The following MAP4 variants were observed in gnomAD, a reference collection of about 807,000 sequenced individuals.
MAP4 encodes the protein microtubule-associated protein 4.
A neutral mutation model predicts 170.2 loss-of-function variants in MAP4; 76 were observed. The ratio of observed to expected loss-of-function variants is 0.45; its 90% confidence interval spans 0.37 to 0.54. The LOEUF is 0.54. MAP4 is among the 20% of genes least tolerant of loss of function. The probability of loss-of-function intolerance (pLI) is 0.00; values close to 1 mark genes in which losing one functional copy is unlikely to be tolerated. For missense variants in MAP4, 2,506 were observed against 2,748.0 expected, an observed-to-expected ratio of 0.91 and a Z score of 1.97; for synonymous variants, 909 against 994.5, an observed-to-expected ratio of 0.91 and a Z score of 1.62.
intron 4 of MAP4, among the ~76,000 whole-genome samples, chr3:47,923,121 A>T (rs1301304350): frequency 2.0e-5 from 3 of 152,042 alleles, no homozygotes; most frequent in African/African-American, 7.2e-5. Flanking sequence ...CCTTCTTGGA[A>T]TTTATTTTAT....
chr3:47,991,686 C>T lies in MAP4; in HGVS notation c.223+6952G>A, dbSNP rs143165906. On this transcript the variant is annotated intron_variant, in intron 2 of 20. Coordinates refer to ENST00000683076, the MANE Select transcript of MAP4 (RefSeq NM_001385682.1). Reference sequence around the variant, plus strand: ...TGTCTTTTCTTTTTTTTTTTTGAGACGGAATTTCGCTCTTGTTGCCCAGGC... The same window carrying T: ...TGTCTTTTCTTTTTTTTTTTTGAGATGGAATTTCGCTCTTGTTGCCCAGGC... Among the ~76,000 whole-genome samples, 760 of 150,096 alleles carry T rather than the reference C, an allele frequency of 5.1e-3. 4 individuals are homozygous for T. Among genetic ancestry groups the T allele is most frequent in the African/African-American group, 0.014 (578 of 40,798 alleles).
chr3:47,861,827 C>G (rs1414338853), intron 17 of MAP4, among the ~76,000 whole-genome samples: 1 of 151,776 alleles, frequency 6.6e-6, no homozygotes, highest in Non-Finnish European at 1.5e-5. Flanking sequence ...CCACTGCACT[C>G]CAGCCTGGGC....
intron 2 of MAP4, chr3:47,987,446 G>A (rs1402122431): frequency 2.0e-6 from 3 of 1,503,910 alleles, no homozygotes; most frequent in African/African-American, 1.4e-5. Flanking sequence ...AGAAGGGAAA[G>A]GGAACAGAAG....
intron 3 of MAP4, among the ~76,000 whole-genome samples, chr3:47,928,749 C>T (rs1577781476): frequency 6.7e-6 from 1 of 149,476 alleles, no homozygotes; most frequent in Non-Finnish European, 1.5e-5. Context: ...TATGCAGGCA[C>T]GAAGAGGGTA....
intron 19 of MAP4, among the ~76,000 whole-genome samples, chr3:47,853,736 C>T (rs1424158104): frequency 7.0e-6 from 1 of 142,002 alleles, no homozygotes; most frequent in Admixed American, 6.9e-5. Flanking sequence ...CCCTCCCAAA[C>T]CCTCCCTGAA....
Position 47,961,720 on chromosome 3 carries a change from C to A in MAP4, c.292+16145G>T, listed in dbSNP as rs960684758. On this transcript the variant is annotated intron_variant, in intron 3 of 20. Coordinates refer to ENST00000683076, the MANE Select transcript of MAP4 (RefSeq NM_001385682.1). ...TCCTGGTTCTAGTGTGCTTTTGCAT[C>A]TTCTTACTTCCATGGTGCTCTGCTG... is the stretch of plus-strand genomic sequence containing the variant. 3.3e-5 allele frequency among the ~76,000 whole-genome samples: 5 copies of A among 152,100 alleles called. 1 individual carries two copies. Among genetic ancestry groups the A allele is most frequent in the African/African-American group, 1.2e-4 (5 of 41,428 alleles).
chr3:47,905,265 C>T (rs977401375), intron 9 of MAP4, among the ~76,000 whole-genome samples: 24 of 152,076 alleles, frequency 1.6e-4, no homozygotes, highest in African/African-American at 5.8e-4. Context: ...AATTTTTCTT[C>T]TACAAAACTA....
intron 20 of MAP4, 110 bp downstream of exon 20, chr3:47,853,053 G>A: frequency 6.2e-7 from 1 of 1,614,200 alleles, no homozygotes; most frequent in Non-Finnish European, 8.5e-7. Flanking sequence ...GAAAATAAAA[G>A]GTTACTTCAT....
At chr3:47,903,199 C>T (rs535595002) in intron 9 of MAP4, among the ~76,000 whole-genome samples, 199 bp from the exon 10 acceptor site, 1 of 152,146 alleles carries the variant, frequency 6.6e-6, no homozygotes, top group Non-Finnish European at 1.5e-5. Context: ...ATCATCCTTT[C>T]AAGTTTGTGC....
intron 16 of MAP4, among the ~76,000 whole-genome samples, 192 bp from the exon 17 acceptor site, chr3:47,867,530 G>A (rs1334191788): frequency 1.3e-5 from 2 of 152,224 alleles, no homozygotes; most frequent in Non-Finnish European, 2.9e-5. Context: ...GAAGGGGAGT[G>A]AAAAACGTGA....
chr3:47,885,473 T>C (rs1474728996), intron 10 of MAP4, among the ~76,000 whole-genome samples: 1 of 152,212 alleles, frequency 6.6e-6, no homozygotes, highest in African/African-American at 2.4e-5. Context: ...TTGCCTTCTT[T>C]CTACCTCATA....
At chr3:47,958,361 G>GT (rs1381083214) in intron 3 of MAP4, among the ~76,000 whole-genome samples, 1 of 152,152 alleles carries the variant, frequency 6.6e-6, no homozygotes, top group African/African-American at 2.4e-5. Context: ...CATGAAATAG[G>GT]TAACTGAAGA....
At chr3:48,079,726 G>A (rs1053428378) in intron 1 of MAP4, among the ~76,000 whole-genome samples, 71 of 152,058 alleles carry the variant, frequency 4.7e-4, no homozygotes, top group African/African-American at 1.7e-3. Flanking sequence ...CAAGGCGGGC[G>A]GATCAAGAGG....
intron 6 of MAP4, 64 bp downstream of exon 6, chr3:47,918,655 A>C (rs1441385422): frequency 1.5e-6 from 2 of 1,306,106 alleles, no homozygotes; most frequent in East Asian, 4.7e-5. Flanking sequence ...AATACACCTG[A>C]TGATTTATAT....
At chr3:47,899,516 T>C (rs1257145409) in intron 10 of MAP4, among the ~76,000 whole-genome samples, 1 of 152,214 alleles carries the variant, frequency 6.6e-6, no homozygotes, top group Admixed American at 6.5e-5. Flanking sequence ...CTTTATATTA[T>C]CATAATACTC....
intron 1 of MAP4, among the ~76,000 whole-genome samples, chr3:48,087,530 A>ACCCTGC (rs1214824775): frequency 6.6e-6 from 1 of 151,900 alleles, no homozygotes; most frequent in African/African-American, 2.4e-5. Flanking sequence ...AGCTGACGGC[A>ACCCTGC]CCCTGCCCCC....
chr3:47,909,808 T>C lies in MAP4; in HGVS notation c.4613A>G (p.Lys1538Arg). 6.2e-7 allele frequency: 1 copy of C among 1,614,062 alleles called. No individual in the cohort carries two copies. The highest frequency in any genetic ancestry group is 8.5e-7 in the Non-Finnish European group (1 of 1,179,904). ...CCCTTCATCGATCCCTGCTTCATTT[T>C]TCATGGAATCAGCAAGCTCAGCTTT... is the stretch of plus-strand genomic sequence containing the variant. ...KNKAELADSM[K>R]NEAGIDEGHV... Residue 1538 changes from lysine (K) to arginine (R), a missense_variant, in exon 9 of 21, where the codon AAA becomes AGA. By Grantham distance (26) the Lys-to-Arg change is conservative (BLOSUM62 2). Around this residue, in one of 3 missense-constraint regions of MAP4, gnomAD observed 2,008 missense variants for 2,206.0 expected, o/e 0.91. Coordinates refer to ENST00000683076, the MANE Select transcript of MAP4 (RefSeq NM_001385682.1).
chr3:48,056,686 G>A (rs1366004611), intron 1 of MAP4, among the ~76,000 whole-genome samples: 327 of 98,616 alleles, frequency 3.3e-3, no homozygotes, highest in African/African-American at 5.7e-3. Flanking sequence ...CCCTCCGCCC[G>A]GCCAGCCGCC....
At chr3:48,067,471 A>G (rs1376457386) in intron 1 of MAP4, among the ~76,000 whole-genome samples, 1 of 152,132 alleles carries the variant, frequency 6.6e-6, no homozygotes, top group Non-Finnish European at 1.5e-5. Context: ...CTAGGACTAC[A>G]GGCACAAGCC....
Sources: gnomAD v4.1 joint callset for allele counts (sites outside exome capture counted in the v4.1 genomes callset) on GRCh38, gnomAD v4.1.1 for gene constraint, gnomAD v4.1.1 regional missense constraint, MANE v1.5 for transcripts, NCBI Gene and HGNC (gene_info 2026-07-23, HGNC 2026-07-21) for gene names.